OR6N1: variants seen among roughly 807,000 people sequenced by gnomAD.
OR6N1 encodes the protein olfactory receptor family 6 subfamily N member 1.
For synonymous variants in OR6N1, 170 were observed against 150.7 expected (o/e 1.13, Z -0.94); for missense variants, 394 against 371.7 (o/e 1.06, Z -0.49).
chr1:158,813,697 C>CTT, the OR6N1 span, among the ~76,000 whole-genome samples: 4,873 of 78,604 alleles, frequency 0.062, 345 homozygotes, highest in Non-Finnish European at 0.07. Context: ...TATGTATGGT[C>CTT]TTTTTTTTTT....
chr1:158,810,720 A>T, the OR6N1 span, among the ~76,000 whole-genome samples: 1 of 152,202 alleles, frequency 6.6e-6, no homozygotes. Flanking sequence ...TCCAAAAACG[A>T]GTTGAATGTT....
chr1:158,834,899 C>G, the OR6N1 span, among the ~76,000 whole-genome samples: 2 of 152,184 alleles, frequency 1.3e-5, no homozygotes, highest in Admixed American at 6.5e-5. Context: ...ACAGCCTTGA[C>G]GTCCATGTCA....
chr1:158,776,968 C>T (rs774857429), upstream of OR6N1: 1 of 1,614,012 alleles, frequency 6.2e-7, no homozygotes, highest in Admixed American at 1.7e-5. Flanking sequence ...CAGCACAGCC[C>T]CAATGATCCT....
chr1:158,821,086 T>TG, the OR6N1 span, among the ~76,000 whole-genome samples: 1 of 152,248 alleles, frequency 6.6e-6, no homozygotes, highest in South Asian at 2.1e-4. Flanking sequence ...CTAGTCTTCC[T>TG]GGATGTTTTA....
the OR6N1 span, among the ~76,000 whole-genome samples, chr1:158,814,660 C>A: frequency 6.6e-6 from 1 of 152,094 alleles, no homozygotes; most frequent in African/African-American, 2.4e-5. Flanking sequence ...TCCTTTCTAA[C>A]GGCACTAATC....
At chr1:158,833,945 G>A in the OR6N1 span, among the ~76,000 whole-genome samples, 1 of 152,028 alleles carries the variant, frequency 6.6e-6, no homozygotes, top group African/African-American at 2.4e-5. Flanking sequence ...CATAGCATCT[G>A]AACCATTTTA....
chr1:158,825,173 C>T, the OR6N1 span, among the ~76,000 whole-genome samples: 1 of 152,190 alleles, frequency 6.6e-6, no homozygotes, highest in African/African-American at 2.4e-5. Context: ...GGCGCAGTGG[C>T]TCACGCCTGT....
At chr1:158,808,591 T>C in the OR6N1 span, 1 of 152,928 alleles carries the variant, frequency 6.5e-6, no homozygotes, top group African/African-American at 2.4e-5. Context: ...AAGCATAGAA[T>C]AGTGCCACCA....
chr1:158,795,062 C>T, the OR6N1 span, among the ~76,000 whole-genome samples: 1 of 152,214 alleles, frequency 6.6e-6, no homozygotes, highest in East Asian at 1.9e-4. Context: ...ACTCTGGCTC[C>T]CCACATGTGG....
the OR6N1 span, among the ~76,000 whole-genome samples, chr1:158,833,642 T>C: frequency 2.6e-5 from 4 of 152,234 alleles, no homozygotes; most frequent in East Asian, 3.8e-4. Flanking sequence ...TCATGTTGTA[T>C]TGTATCATGT....
Position 158,766,353 on chromosome 1 carries a change from A to G in OR6N1, c.330T>C (p.Thr110=), listed in dbSNP as rs1232224594. The change falls in exon 2 of 2, where the codon ACT becomes ACC. Residue 110 remains threonine, a synonymous_variant. Coordinates refer to ENST00000641846, the MANE Select transcript of OR6N1 (RefSeq NM_001005185.2). ...CCATAGCTGTCAGGAGATAGCACTC[A>G]GTCGCTCCAAGGGAGTGAAAGAAAT... ...QIYFFHSLGA[T]ECYLLTAMAY... 1 of 1,614,148 alleles carries G rather than the reference A, an allele frequency of 6.2e-7. No homozygotes were observed. Among genetic ancestry groups the G allele is most frequent in the Admixed American group, 1.7e-5 (1 of 60,018 alleles).
At chr1:158,802,912 T>C in the OR6N1 span, among the ~76,000 whole-genome samples, 149 of 152,302 alleles carry the variant, frequency 9.8e-4, no homozygotes, top group African/African-American at 3.1e-3. Context: ...TCTTGACATC[T>C]GAACTCTTAT....
the OR6N1 span, among the ~76,000 whole-genome samples, chr1:158,787,295 A>G: frequency 6.6e-6 from 1 of 152,064 alleles, no homozygotes; most frequent in Admixed American, 6.6e-5. Flanking sequence ...GGCATCATGC[A>G]TCCTATACAG....
chr1:158,834,430 A>G, the OR6N1 span, among the ~76,000 whole-genome samples: 1 of 151,758 alleles, frequency 6.6e-6, no homozygotes, highest in Non-Finnish European at 1.5e-5. Flanking sequence ...AAGGGGTTTC[A>G]CCGTGTTTAT....
the OR6N1 span, among the ~76,000 whole-genome samples, chr1:158,782,219 G>A: frequency 6.6e-6 from 1 of 152,306 alleles, no homozygotes; most frequent in African/African-American, 2.4e-5. Context: ...AATTAAGTAA[G>A]ATTAAATGCA....
chr1:158,782,242 A>G, the OR6N1 span, among the ~76,000 whole-genome samples: 1 of 152,204 alleles, frequency 6.6e-6, no homozygotes, highest in Non-Finnish European at 1.5e-5. Context: ...CATTAACTAT[A>G]ATAGTTTTAA....
the OR6N1 span, among the ~76,000 whole-genome samples, chr1:158,799,027 T>C: frequency 6.6e-6 from 1 of 152,184 alleles, no homozygotes; most frequent in African/African-American, 2.4e-5. Flanking sequence ...GACTTTAACT[T>C]GCATGCATAA....
chr1:158,810,886 T>C, the OR6N1 span, among the ~76,000 whole-genome samples: 6 of 150,948 alleles, frequency 4.0e-5, no homozygotes, highest in African/African-American at 1.5e-4. Flanking sequence ...GTGAGGTACA[T>C]GTGCATGTTT....
the OR6N1 span, among the ~76,000 whole-genome samples, chr1:158,835,415 C>T: frequency 2.0e-5 from 3 of 152,062 alleles, no homozygotes; most frequent in South Asian, 2.1e-4. Flanking sequence ...TCGTTGTTAG[C>T]GTATAAAAAC....
Sources: allele counts gnomAD v4.1 joint callset (sites outside exome capture counted in the v4.1 genomes callset), GRCh38; gene constraint gnomAD v4.1.1; transcripts MANE v1.5; gene names NCBI Gene and HGNC (gene_info 2026-07-23, HGNC 2026-07-21).